The following CERS6 variants were observed in gnomAD, a reference collection of about 807,000 sequenced individuals.
CERS6 encodes the protein LAG1 homolog, ceramide synthase 6.
CERS6 carries 26 observed loss-of-function variants against 56.8 expected under a neutral mutation model. The ratio of observed to expected loss-of-function variants is 0.46; its 90% CI spans 0.34 to 0.63. CERS6 has a LOEUF of 0.63. Ranked by LOEUF, CERS6 falls within the 30% of genes least tolerant of loss-of-function variation. The probability of loss-of-function intolerance (pLI) is 0.01; values close to 1 mark genes in which losing one functional copy is unlikely to be tolerated. For synonymous variants in CERS6, 164 were observed against 173.3 expected, an observed-to-expected ratio of 0.95 and a Z score of 0.42; for missense variants, 415 against 467.5, an observed-to-expected ratio of 0.89 and a Z score of 1.04.
intron 8 of CERS6, among the ~76,000 whole-genome samples, chr2:168,722,567 G>A (rs753085746): frequency 3.9e-5 from 6 of 152,128 alleles, no homozygotes; most frequent in Non-Finnish European, 5.9e-5. Flanking sequence ...TCTTCAGCAC[G>A]TAACTCTAAC....
At chr2:168,730,181 A>G (rs1454379785) in intron 8 of CERS6, among the ~76,000 whole-genome samples, 1 of 152,248 alleles carries the variant, frequency 6.6e-6, no homozygotes, top group Non-Finnish European at 1.5e-5. Flanking sequence ...TTTTGATCAG[A>G]TAGAAACAGA....
intron 1 of CERS6, among the ~76,000 whole-genome samples, chr2:168,520,458 T>C (rs1434830724): frequency 6.6e-6 from 1 of 152,038 alleles, no homozygotes; most frequent in East Asian, 1.9e-4. Context: ...TCAATTTTTA[T>C]TTTTGTTGCG....
chr2:168,507,361 G>T (rs1364334822), intron 1 of CERS6, among the ~76,000 whole-genome samples: 1 of 152,132 alleles, frequency 6.6e-6, no homozygotes, highest in African/African-American at 2.4e-5. Context: ...TTCTGGAAAA[G>T]TTCCTTAGTC....
At chr2:168,619,777 A>T (rs1365831742) in intron 3 of CERS6, among the ~76,000 whole-genome samples, 1 of 151,820 alleles carries the variant, frequency 6.6e-6, no homozygotes, top group Non-Finnish European at 1.5e-5. Flanking sequence ...TATTATAGCC[A>T]CTATGGTAAA....
At chr2:168,578,285 C>T in intron 3 of CERS6, among the ~76,000 whole-genome samples, 1 of 151,910 alleles carries the variant, frequency 6.6e-6, no homozygotes, top group East Asian at 1.9e-4. Context: ...GTAAAACCAA[C>T]CTATGGAGCC....
intron 8 of CERS6, among the ~76,000 whole-genome samples, chr2:168,742,245 A>C (rs1056212787): frequency 6.6e-6 from 1 of 152,112 alleles, no homozygotes; most frequent in Non-Finnish European, 1.5e-5. Context: ...TGATGTTCTT[A>C]TTCTTTTTTC....
intron 1 of CERS6, among the ~76,000 whole-genome samples, chr2:168,526,032 C>T (rs1312646978): frequency 6.6e-6 from 1 of 151,992 alleles, no homozygotes; most frequent in African/African-American, 2.4e-5. Flanking sequence ...TAATGATGCC[C>T]CTAGGGTTGT....
chr2:168,654,569 C>T (rs1574132506), intron 4 of CERS6, among the ~76,000 whole-genome samples: 1 of 151,970 alleles, frequency 6.6e-6, no homozygotes, highest in Non-Finnish European at 1.5e-5. Context: ...AACAAAAAAC[C>T]CAAAAATGTA....
chr2:168,497,159 A>G (rs1455410447), intron 1 of CERS6, among the ~76,000 whole-genome samples: 1 of 152,184 alleles, frequency 6.6e-6, no homozygotes. Flanking sequence ...TCTCTTAGAG[A>G]AAAAGAAAGT....
chr2:168,753,038 CAT>C (rs947552909), intron 8 of CERS6, among the ~76,000 whole-genome samples: 3 of 152,130 alleles, frequency 2.0e-5, no homozygotes, highest in African/African-American at 7.2e-5. Context: ...AATCTGAAAA[CAT>C]AAAAATTCAT....
rs1265463448 is a variant in CERS6 at position 168,696,867 on chromosome 2, T to A, written c.609+1816T>A. 3.3e-5 allele frequency among the ~76,000 whole-genome samples: 5 copies of A among 152,218 alleles called. No individual in the cohort carries two copies. In the East Asian group the frequency reaches 9.6e-4, roughly 29 times the overall value. On this transcript the variant is annotated intron_variant, in intron 6 of 9. Coordinates refer to ENST00000305747, the MANE Select transcript of CERS6 (RefSeq NM_203463.3). ...CATTTAGTCCCCAGCAAGCAAGATATGTTCGCCTTTGCACCCCCATGACTA... is the reference window on the plus strand; with the variant it reads ...CATTTAGTCCCCAGCAAGCAAGATAAGTTCGCCTTTGCACCCCCATGACTA...
chr2:168,718,991 A>G (rs1559066096), intron 8 of CERS6, among the ~76,000 whole-genome samples: 1 of 152,206 alleles, frequency 6.6e-6, no homozygotes, highest in African/African-American at 2.4e-5. Flanking sequence ...GTGATTAGCC[A>G]TCTACAACAG....
chr2:168,487,542 T>C (rs772718147), intron 1 of CERS6, among the ~76,000 whole-genome samples: 4 of 152,230 alleles, frequency 2.6e-5, no homozygotes, highest in Non-Finnish European at 2.9e-5. Context: ...CTAATCTTTA[T>C]AAGTCTCATA....
chr2:168,693,279 A>G (rs1017965267), intron 5 of CERS6, among the ~76,000 whole-genome samples: 3 of 152,140 alleles, frequency 2.0e-5, no homozygotes, highest in Non-Finnish European at 4.4e-5. Flanking sequence ...TACTAATTTT[A>G]TAGGATTTTT....
chr2:168,725,412 G>A (rs1025228086), intron 8 of CERS6, among the ~76,000 whole-genome samples: 1 of 152,250 alleles, frequency 6.6e-6, no homozygotes, highest in Admixed American at 6.5e-5. Context: ...CACAGGAGGC[G>A]CCGAGAGCGA....
chr2:168,581,474 T>C (rs1223515836), intron 3 of CERS6, among the ~76,000 whole-genome samples: 1 of 152,224 alleles, frequency 6.6e-6, no homozygotes, highest in African/African-American at 2.4e-5. Flanking sequence ...CCCTTCCATG[T>C]TGTTCATTGT....
intron 8 of CERS6, among the ~76,000 whole-genome samples, chr2:168,760,762 A>ATTTTTTTTTTTT (rs869287261): frequency 1.3e-4 from 16 of 125,896 alleles, no homozygotes; most frequent in African/African-American, 4.2e-4. Context: ...TTATTTATTT[A>ATTTTTTTTTTTT]TTTATTTTTT....
chr2:168,664,049 T>C (rs1685697311), intron 4 of CERS6, among the ~76,000 whole-genome samples: 1 of 152,218 alleles, frequency 6.6e-6, no homozygotes, highest in African/African-American at 2.4e-5. Flanking sequence ...ATAAGTGGGA[T>C]GGCCATTGTG....
chr2:168,739,140 C>T (rs1683815140), intron 8 of CERS6, among the ~76,000 whole-genome samples: 1 of 141,688 alleles, frequency 7.1e-6, no homozygotes, highest in South Asian at 2.2e-4. Flanking sequence ...AATTCCTGAG[C>T]TCGGGTAATC....
Sources: gnomAD v4.1 joint callset for allele counts (sites outside exome capture counted in the v4.1 genomes callset) on GRCh38, gnomAD v4.1.1 for gene constraint, MANE v1.5 for transcripts, NCBI Gene and HGNC (gene_info 2026-07-23, HGNC 2026-07-21) for gene names.